The following ITK variants were observed in gnomAD, a reference collection of about 807,000 sequenced individuals.
The protein encoded by ITK is IL2 inducible T cell kinase, also known as tyrosine-protein kinase ITK/TSK.
In ITK, 45 loss-of-function variants were observed where a neutral mutation model predicts 87.6. The observed-to-expected ratio is 0.51, with a 90% confidence interval of 0.40 to 0.66. The LOEUF (loss-of-function observed/expected upper bound fraction) is 0.66, where lower values mean the gene tolerates loss of function less well. ITK is among the 30% of genes least tolerant of loss of function. ITK has a pLI of 0.00. For missense variants in ITK, 605 were observed against 766.3 expected (o/e 0.79, Z 2.48); for synonymous variants, 303 against 273.6 (o/e 1.11, Z -1.06).
intron 1 of ITK, chr5:157,194,950 CT>C (rs931304748): frequency 5.3e-5 from 8 of 152,126 alleles, no homozygotes; most frequent in Non-Finnish European, 4.4e-5. Context: ...TTATAATTTG[CT>C]TTTAAGTAGT....
At chr5:157,241,254 C>T (rs1282501458) in intron 10 of ITK, 2 of 168,276 alleles carry the variant, frequency 1.2e-5, no homozygotes, top group Non-Finnish European at 2.5e-5. Flanking sequence ...TACATTTCAA[C>T]ATGAGATTTG....
At chr5:157,220,312 T>C (rs564902679) in intron 5 of ITK, among the ~76,000 whole-genome samples, 140 of 152,310 alleles carry the variant, frequency 9.2e-4, no homozygotes, top group African/African-American at 3.2e-3. Context: ...CAAGGTCGTA[T>C]ATCACATTGA....
rs570197413 is a variant in ITK at position 157,206,216 on chromosome 5, A to C, written c.139-2673A>C. 3.3e-5 allele frequency among the ~76,000 whole-genome samples: 5 copies of C among 152,052 alleles called. No homozygotes were observed. In the East Asian group the frequency reaches 9.7e-4, roughly 29 times the overall value. ...GTGATCCACCCTCCTCAGCCTCCCA[A>C]AGTGCTAGGATTACAGGCATGAGCC... On this transcript the variant is annotated intron_variant, in intron 1 of 16. Coordinates refer to ENST00000422843, the MANE Select transcript of ITK (RefSeq NM_005546.4).
rs149043101 is a variant in ITK, at chr5:157,227,663, T to C, written c.648-633T>C. On this transcript the variant is annotated intron_variant, in intron 6 of 16. Coordinates refer to ENST00000422843, the MANE Select transcript of ITK (RefSeq NM_005546.4). ...CCTTATAGAAAATAGACACTGAATA[T>C]TAATCTTTTTTTCCAGTAGAGGAAA... is the stretch of plus-strand genomic sequence containing the variant. Among the ~76,000 whole-genome samples the C allele has an allele frequency of 7.4e-4, 112 of 152,216 alleles. 1 individual carries two copies. The East Asian group carries it at 0.019, about 26-fold the overall frequency.
Position 157,248,764 on chromosome 5 carries a change from G to A in ITK, c.1634-86G>A, listed in dbSNP as rs938593414. 1.7e-5 allele frequency: 25 copies of A among 1,437,440 alleles called. 1 individual carries two copies. The highest frequency in any genetic ancestry group is 2.4e-5 in the Non-Finnish European group (25 of 1,020,990). The allele number at this position is 1,437,440 out of a possible 1,614,324, so 89.0% of individuals were successfully genotyped here. ...GGTAGCACATGAATCCTAATGCAAG[G>A]AGTCTGTAATTTCTAGAGGCAGGTT... On this transcript the variant is annotated intron_variant, in intron 15 of 16. Coordinates refer to ENST00000422843, the MANE Select transcript of ITK (RefSeq NM_005546.4).
chr5:157,243,935 A>G (rs1250572424), intron 12 of ITK, 141 bp downstream of exon 12: 2 of 813,510 alleles, frequency 2.5e-6, no homozygotes, highest in Non-Finnish European at 2.1e-6. Flanking sequence ...AGAGAATACA[A>G]TCAAACTCTT....
At chr5:157,189,572 T>A (rs1753711593) in intron 1 of ITK, among the ~76,000 whole-genome samples, 1 of 152,198 alleles carries the variant, frequency 6.6e-6, no homozygotes, top group East Asian at 1.9e-4. Context: ...TCTCAGCTAC[T>A]TGAAAGGCTG....
chr5:157,242,087 G>T (rs1042961475), intron 11 of ITK, among the ~76,000 whole-genome samples: 2 of 152,180 alleles, frequency 1.3e-5, no homozygotes, highest in Non-Finnish European at 2.9e-5. Context: ...TCATCTAGTT[G>T]GTTGAGTAGC....
intron 1 of ITK, among the ~76,000 whole-genome samples, chr5:157,206,078 C>T (rs1175301263): frequency 2.0e-5 from 3 of 151,112 alleles, no homozygotes; most frequent in East Asian, 3.9e-4. Flanking sequence ...CTCAGCCTCC[C>T]GAGAAGCTGG....
intron 1 of ITK, among the ~76,000 whole-genome samples, chr5:157,203,298 G>T (rs1263651689): frequency 6.6e-6 from 1 of 152,158 alleles, no homozygotes; most frequent in Non-Finnish European, 1.5e-5. Context: ...TTTCCTGAAT[G>T]GCTAAATGTA....
intron 7 of ITK, 122 bp downstream of exon 7, chr5:157,228,483 C>G: frequency 1.4e-6 from 1 of 700,482 alleles, no homozygotes; most frequent in Non-Finnish European, 2.6e-6. Context: ...AATGTTCACA[C>G]ATACCATCCA....
chr5:157,234,783 AGTGG>A, intron 8 of ITK, among the ~76,000 whole-genome samples: 1 of 152,238 alleles, frequency 6.6e-6, no homozygotes, highest in Admixed American at 6.5e-5. Flanking sequence ...AGGGTCTGTC[AGTGG>A]GTGGGGGGCT....
At position 157,252,624 on chromosome 5, in the gene ITK, A is replaced by G. The variant is rs1363641905; in HGVS notation, c.1809A>G (p.Pro603=). Reference sequence around the variant, plus strand: ...CTCTCCAGAGACCAGAAGATCGGCCAGCCTTCTCCAGACTGCTGCGTCAAC... The same window carrying G: ...CTCTCCAGAGACCAGAAGATCGGCCGGCCTTCTCCAGACTGCTGCGTCAAC... ...HCWKERPEDR[P]AFSRLLRQLA... The change falls in exon 17 of 17, where the codon CCA becomes CCG. Residue 603 remains proline (P), a synonymous_variant. Transcript: ENST00000422843. 4.3e-6 allele frequency: 7 copies of G among 1,614,144 alleles called. No homozygotes were observed. The highest frequency in any genetic ancestry group is 2.5e-6 in the Non-Finnish European group (3 of 1,179,924).
In ITK at chr5:157,218,167, T is replaced by C. The variant is rs574205314; in HGVS notation, c.495+260T>C. Among the ~76,000 whole-genome samples the C allele has an allele frequency of 4.6e-4, 70 of 152,276 alleles. 1 individual carries two copies. Among genetic ancestry groups the C allele is most frequent in the South Asian group, 1.4e-3 (7 of 4,828 alleles). ...CAACAAATACTGATATCAAATTGGG[T>C]GGCCATTCACCTGACCACTTTGGAG... is the stretch of plus-strand genomic sequence containing the variant. On this transcript the variant is annotated intron_variant, in intron 5 of 16. Transcript: ENST00000422843.
rs1754248240 is a variant in ITK at position 157,214,078 on chromosome 5, C to A, written c.326-113C>A. On this transcript the variant is annotated intron_variant, in intron 3 of 16. Transcript: ENST00000422843. ...AACCCATGCTTCTGAGTGGTCTGGGCAATACTCATTCAGGCTCACTCAGCC... is the reference window on the plus strand; with the variant it reads ...AACCCATGCTTCTGAGTGGTCTGGGAAATACTCATTCAGGCTCACTCAGCC... 3 of 837,992 alleles carry A rather than the reference C, an allele frequency of 3.6e-6. No individual in the cohort carries two copies. The African/African-American group carries it at 5.0e-5, about 14-fold the overall frequency. The allele number at this position is 837,992 out of a possible 1,614,324, so 51.9% of individuals were successfully genotyped here.
intron 9 of ITK, 106 bp from the exon 10 acceptor site, chr5:157,239,956 T>G: frequency 6.5e-5 from 73 of 1,123,614 alleles, no homozygotes; most frequent in Non-Finnish European, 8.9e-5. Context: ...TGCCACCTTG[T>G]GAGAGGTTAT....
intron 7 of ITK, among the ~76,000 whole-genome samples, chr5:157,230,877 T>TA (rs1157094248): frequency 6.6e-6 from 1 of 152,206 alleles, no homozygotes; most frequent in Non-Finnish European, 1.5e-5. Context: ...AATAAAACAC[T>TA]ATACCATGCA....
At position 157,238,056 on chromosome 5, in the gene ITK, A is replaced by C. The variant is rs370800001; in HGVS notation, c.769-53A>C. ...TGGGCAAGAAAGTGGAGCTGGAGGC[A>C]TAAGCCTGGTTTCCTGAGATCACTA... On this transcript the variant is annotated intron_variant, in intron 8 of 16. Coordinates refer to ENST00000422843, the MANE Select transcript of ITK (RefSeq NM_005546.4). 63 of 1,383,994 alleles carry C rather than the reference A, an allele frequency of 4.6e-5. No homozygotes were observed. In the African/African-American group the frequency reaches 8.4e-4, roughly 18 times the overall value. 85.7% of individuals were successfully genotyped at this position (1,383,994 alleles called of 1,614,324 possible).
At chr5:157,194,061 G>A (rs561728044) in intron 1 of ITK, among the ~76,000 whole-genome samples, 60 of 152,298 alleles carry the variant, frequency 3.9e-4, no homozygotes, top group African/African-American at 1.4e-3. Flanking sequence ...AGTGAAAAGT[G>A]TAAAGGCAAC....
Sources: allele counts gnomAD v4.1 joint callset (sites outside exome capture counted in the v4.1 genomes callset), GRCh38; gene constraint gnomAD v4.1.1; transcripts MANE v1.5; gene names NCBI Gene and HGNC (gene_info 2026-07-23, HGNC 2026-07-21).